The following KCNH8 variants were observed in gnomAD, a reference collection of about 807,000 sequenced individuals.
The protein encoded by KCNH8 is voltage-gated delayed rectifier potassium channel KCNH8.
Under a neutral mutation model 103.6 loss-of-function variants are expected in KCNH8, and 70 were observed. That is an observed-to-expected ratio of 0.68 (90% CI 0.56 to 0.82). The LOEUF (loss-of-function observed/expected upper bound fraction) is 0.82. Among genes scored for constraint, KCNH8 ranks in the 40% least tolerant of loss-of-function variants. The pLI is 0.00. For missense variants in KCNH8, 1,217 were observed against 1,329.9 expected (o/e 0.92, Z 1.32); for synonymous variants, 498 against 489.4 (o/e 1.02, Z -0.23).
chr3:19,213,257 T>C (rs867697976), intron 1 of KCNH8, among the ~76,000 whole-genome samples: 6 of 152,322 alleles, frequency 3.9e-5, no homozygotes, highest in African/African-American at 9.6e-5. Context: ...AATCCTATCT[T>C]TTTTAATAGG....
At chr3:19,474,429 G>C (rs771771102) in intron 11 of KCNH8, among the ~76,000 whole-genome samples, 1 of 152,148 alleles carries the variant, frequency 6.6e-6, no homozygotes, top group Non-Finnish European at 1.5e-5. Context: ...GATGCCAAAA[G>C]AGCGGCAGCT....
At chr3:19,212,310 C>G (rs1454373031) in intron 1 of KCNH8, among the ~76,000 whole-genome samples, 2 of 152,124 alleles carry the variant, frequency 1.3e-5, no homozygotes, top group Non-Finnish European at 2.9e-5. Flanking sequence ...GTTTGAAACC[C>G]AGACCCACTT....
At chr3:19,313,327 T>G (rs1559472010) in intron 3 of KCNH8, among the ~76,000 whole-genome samples, 1 of 152,044 alleles carries the variant, frequency 6.6e-6, no homozygotes, top group East Asian at 1.9e-4. Flanking sequence ...AGTTACAGTT[T>G]CAAGTCCTGT....
intron 13 of KCNH8, 63 bp downstream of exon 13, chr3:19,513,388 C>A (rs1322131948): frequency 1.3e-6 from 2 of 1,516,070 alleles, no homozygotes; most frequent in African/African-American, 2.8e-5. Context: ...CAGAGTAGTA[C>A]CTGCCTTCAG....
At chr3:19,399,607 G>C (rs2066578934) in intron 7 of KCNH8, among the ~76,000 whole-genome samples, 1 of 151,844 alleles carries the variant, frequency 6.6e-6, no homozygotes, top group Admixed American at 6.6e-5. Flanking sequence ...TGGCAATACT[G>C]ACTCTCATGA....
chr3:19,182,621 G>A (rs1313071389), intron 1 of KCNH8, among the ~76,000 whole-genome samples: 1 of 152,190 alleles, frequency 6.6e-6, no homozygotes, highest in East Asian at 1.9e-4. Flanking sequence ...CTGTGAAGAA[G>A]CATGGACTAG....
intron 5 of KCNH8, 81 bp downstream of exon 5, chr3:19,348,046 A>C: frequency 6.6e-7 from 1 of 1,521,972 alleles, no homozygotes; most frequent in Non-Finnish European, 8.9e-7. Context: ...CATGAATTTG[A>C]ACTAAGATCC....
chr3:19,322,289 A>C (rs1352650875), intron 3 of KCNH8, among the ~76,000 whole-genome samples: 2 of 151,780 alleles, frequency 1.3e-5, no homozygotes, highest in Admixed American at 1.3e-4. Flanking sequence ...GTCCTGTGAG[A>C]TTTATGCTTT....
rs756278505 is a variant in KCNH8 at position 19,395,056 on chromosome 3, T to C, written c.970-48T>C. On this transcript the variant is annotated intron_variant, in intron 6 of 15. Coordinates refer to ENST00000328405, the MANE Select transcript of KCNH8 (RefSeq NM_144633.3). ...ATGGCTCCAAGTTAATGTTGTGGTATGAATTTAACACATGCACCAAGTTGT... is the reference window on the plus strand; with the variant it reads ...ATGGCTCCAAGTTAATGTTGTGGTACGAATTTAACACATGCACCAAGTTGT... 4.5e-6 allele frequency: 6 copies of C among 1,346,580 alleles called. No individual in the cohort carries two copies. In the South Asian group the frequency reaches 5.9e-5, roughly 13 times the overall value. The allele number at this position is 1,346,580 out of a possible 1,614,324, so 83.4% of individuals were successfully genotyped here.
rs146667198 is a variant in KCNH8 at position 19,490,090 on chromosome 3, G to A, written c.2041-20273G>A. 8.7e-3 allele frequency among the ~76,000 whole-genome samples: 1,318 copies of A among 152,328 alleles called. 17 individuals carry two copies. The highest frequency in any genetic ancestry group is 0.03 in the African/African-American group (1,239 of 41,572). The stretch of plus-strand genomic sequence containing the variant: ...GTTCCACCAGGGCAAATGCCTACCC[G>A]AGAGTGCTCTCAGGATCTGCATCGC... On this transcript the variant is annotated intron_variant, in intron 11 of 15. Transcript: ENST00000328405.
chr3:19,422,392 T>C (rs572930381), intron 7 of KCNH8, among the ~76,000 whole-genome samples: 2 of 152,102 alleles, frequency 1.3e-5, no homozygotes, highest in South Asian at 4.1e-4. Flanking sequence ...GCAGAAAAGG[T>C]GAAAAAAGAA....
At chr3:19,245,486 T>A (rs1460938326) in intron 1 of KCNH8, among the ~76,000 whole-genome samples, 1 of 152,228 alleles carries the variant, frequency 6.6e-6, no homozygotes, top group Non-Finnish European at 1.5e-5. Flanking sequence ...TTATTCTAAT[T>A]CTGTGAAGGA....
At chr3:19,272,838 T>C (rs564556483) in intron 2 of KCNH8, among the ~76,000 whole-genome samples, 66 of 152,296 alleles carry the variant, frequency 4.3e-4, no homozygotes, top group African/African-American at 1.5e-3. Flanking sequence ...TAATAAACTA[T>C]ATAATTTGCT....
intron 1 of KCNH8, among the ~76,000 whole-genome samples, chr3:19,227,589 G>A (rs2063945970): frequency 1.3e-5 from 2 of 152,142 alleles, no homozygotes; most frequent in Admixed American, 6.5e-5. Context: ...ATGATACAAA[G>A]ATATAAGACA....
rs2064312386 is a variant in KCNH8 at position 19,253,891 on chromosome 3, A to T, written c.310+4A>T. ...ATTATGTTCTACAAGAAAAACGGTG[A>T]GTTGGCTTTCTTTCGTGCTCACTGG... is the stretch of plus-strand genomic sequence containing the variant. On this transcript the variant is annotated splice_donor_region_variant and intron_variant, in intron 2 of 15. Coordinates refer to ENST00000328405, the MANE Select transcript of KCNH8 (RefSeq NM_144633.3). 1.2e-6 allele frequency: 2 copies of T among 1,603,692 alleles called. No individual in the cohort carries two copies. The highest frequency in any genetic ancestry group is 1.1e-5 in the South Asian group (1 of 90,780).
At chr3:19,243,531 G>C (rs548587514) in intron 1 of KCNH8, among the ~76,000 whole-genome samples, 1 of 152,266 alleles carries the variant, frequency 6.6e-6, no homozygotes, top group Admixed American at 6.5e-5. Context: ...TACAGTTCAG[G>C]AGACAGATGA....
intron 11 of KCNH8, among the ~76,000 whole-genome samples, chr3:19,505,407 A>C (rs2068673035): frequency 6.6e-6 from 1 of 152,154 alleles, no homozygotes; most frequent in Admixed American, 6.6e-5. Flanking sequence ...CCGTGACACA[A>C]GTTTACCTAC....
intron 5 of KCNH8, among the ~76,000 whole-genome samples, chr3:19,371,607 T>C (rs1359692814): frequency 1.3e-5 from 2 of 150,384 alleles, no homozygotes; most frequent in Non-Finnish European, 3.0e-5. Context: ...AGAAGCTCTT[T>C]AGTTTAATTA....
At chr3:19,386,370 GTATAT>G (rs1289706336) in intron 5 of KCNH8, among the ~76,000 whole-genome samples, 1 of 152,004 alleles carries the variant, frequency 6.6e-6, no homozygotes, top group Admixed American at 6.6e-5. Context: ...TTTTGGGTGG[GTATAT>G]TATGATTAGT....
Sources: gnomAD v4.1 joint callset for allele counts (sites outside exome capture counted in the v4.1 genomes callset) on GRCh38, gnomAD v4.1.1 for gene constraint, MANE v1.5 for transcripts, NCBI Gene and HGNC (gene_info 2026-07-23, HGNC 2026-07-21) for gene names.